Variants in MTERF4 observed in about 807,000 individuals in gnomAD.
MTERF4 encodes transcription termination factor 4, mitochondrial.
In MTERF4, 17 loss-of-function variants were observed where a neutral mutation model predicts 22.5. The observed-to-expected ratio is 0.75, with a 90% confidence interval of 0.52 to 1.13. MTERF4 has a LOEUF of 1.13. Ranked by LOEUF, MTERF4 falls within the 50% of genes most tolerant of loss-of-function variation. The pLI, the probability that MTERF4 is intolerant of heterozygous loss-of-function variation, is 0.00. For missense variants in MTERF4, 420 were observed against 466.8 expected, an observed-to-expected ratio of 0.90 and a Z score of 0.92; for synonymous variants, 165 against 175.3, an observed-to-expected ratio of 0.94 and a Z score of 0.47.
chr2:241,058,057 G>C, the MTERF4 span, among the ~76,000 whole-genome samples: 1 of 152,174 alleles, frequency 6.6e-6, no homozygotes, highest in East Asian at 1.9e-4. Flanking sequence ...AGCACTCTTA[G>C]ACATTCCTAA....
intron 4 of MTERF4, among the ~76,000 whole-genome samples, chr2:241,079,404 T>G (rs1482087571): frequency 1.4e-5 from 2 of 144,400 alleles, no homozygotes; most frequent in Non-Finnish European, 3.0e-5. Context: ...AGAGTGAGAC[T>G]CCATCTCAAA....
downstream of MTERF4, chr2:241,090,460 G>T: frequency 1.3e-6 from 2 of 1,532,702 alleles, no homozygotes; most frequent in Non-Finnish European, 8.8e-7. Flanking sequence ...CTAAAATAAT[G>T]ATGAAGAGTA....
downstream of MTERF4, chr2:241,067,972 G>A (rs2062532394): frequency 1.3e-6 from 2 of 1,591,638 alleles, no homozygotes; most frequent in East Asian, 4.5e-5. Flanking sequence ...CCAGAGCATG[G>A]GGCTGGGGTG....
At chr2:241,043,267 G>T in the MTERF4 span, among the ~76,000 whole-genome samples, 1 of 152,076 alleles carries the variant, frequency 6.6e-6, no homozygotes, top group Admixed American at 6.5e-5. Flanking sequence ...AAAACAGCCA[G>T]AGGAAAAAGC....
chr2:241,065,267 C>G, the MTERF4 span: 1 of 1,609,738 alleles, frequency 6.2e-7, no homozygotes. Flanking sequence ...GCTGACCAGT[C>G]CCCTCCCCTT....
chr2:241,060,429 C>T, the MTERF4 span, among the ~76,000 whole-genome samples: 3 of 152,158 alleles, frequency 2.0e-5, no homozygotes, highest in Admixed American at 1.3e-4. Context: ...GTGATCCACC[C>T]GCCTTGGGCT....
At chr2:241,091,860 GT>G (rs2064030277), downstream of MTERF4, 1 of 152,592 alleles carries the variant, frequency 6.6e-6, no homozygotes, top group Non-Finnish European at 1.5e-5. The surrounding 1 kb of genome is among the most constrained non-coding windows in gnomAD (Gnocchi z 4.1). Context: ...CCACCTGTGA[GT>G]CCTGCGATGC....
chr2:241,102,200 G>C, intron 1 of MTERF4, 53 bp downstream of exon 1: 2 of 1,547,044 alleles, frequency 1.3e-6, no homozygotes, highest in Non-Finnish European at 1.7e-6. Flanking sequence ...CCTCTGCGTC[G>C]CTGCCCGCCC....
chr2:241,069,945 C>A, downstream of MTERF4: 1 of 1,612,768 alleles, frequency 6.2e-7, no homozygotes, highest in East Asian at 2.2e-5. This position sits in a 1 kb window ranked among gnomAD's most constrained non-coding sequence, Gnocchi z 4.9. Context: ...CAAACCTGAC[C>A]GCCGCCCGAG....
the MTERF4 span, chr2:241,053,310 G>C: frequency 6.3e-7 from 1 of 1,585,560 alleles, no homozygotes; most frequent in Non-Finnish European, 8.6e-7. Context: ...TCTGGAGTGA[G>C]CCTCCCCAGT....
At chr2:241,081,387 CTCTCCCTCCTCCT>C (rs1402811336) in intron 4 of MTERF4, among the ~76,000 whole-genome samples, 1 of 152,188 alleles carries the variant, frequency 6.6e-6, no homozygotes, top group Non-Finnish European at 1.5e-5. Context: ...TCCTCCCTCC[CTCTCCCTCCTCCT>C]TCTCCTCCTC....
chr2:241,065,356 T>C, the MTERF4 span: 2 of 1,613,014 alleles, frequency 1.2e-6, no homozygotes, highest in East Asian at 2.2e-5. Flanking sequence ...GGGGTCTCTA[T>C]CTCCTGGAAC....
At chr2:241,049,558 G>A in the MTERF4 span, among the ~76,000 whole-genome samples, 1,449 of 152,330 alleles carry the variant, frequency 9.5e-3, 20 homozygotes, top group African/African-American at 0.033. Context: ...ACAGGAAGGC[G>A]TTTCTGTATC....
chr2:241,065,681 A>T, the MTERF4 span: 1 of 1,180,366 alleles, frequency 8.5e-7, no homozygotes. Context: ...GGCGGCTGTC[A>T]TGCCGTCCAC....
At chr2:241,082,194 C>G (rs570785354), downstream of MTERF4, 1 of 1,154,644 alleles carries the variant, frequency 8.7e-7, no homozygotes, top group Admixed American at 2.0e-5. Context: ...CCCCCGGGCC[C>G]TCTCCCTTGG....
chr2:241,047,452 A>G, the MTERF4 span, among the ~76,000 whole-genome samples: 1 of 152,206 alleles, frequency 6.6e-6, no homozygotes, highest in Non-Finnish European at 1.5e-5. Context: ...GTACACAGGA[A>G]ATCAGTAAAG....
At chr2:241,088,447 A>G (rs781587567), downstream of MTERF4, 57 of 1,528,094 alleles carry the variant, frequency 3.7e-5, no homozygotes, top group Non-Finnish European at 4.8e-5. Context: ...AGCTGCTGGG[A>G]AGTGGGGGGC....
chr2:241,050,272 A>G, the MTERF4 span, among the ~76,000 whole-genome samples: 8 of 152,358 alleles, frequency 5.3e-5, no homozygotes, highest in African/African-American at 1.9e-4. Flanking sequence ...CTAATTCAGC[A>G]TGGAAAATGT....
the MTERF4 span, among the ~76,000 whole-genome samples, chr2:241,059,136 TGTATCTGACAAC>T: frequency 2.6e-5 from 4 of 152,194 alleles, no homozygotes; most frequent in Non-Finnish European, 1.5e-5. Context: ...TTTAGGCCAA[TGTATCTGACAAC>T]TTAGGGGAAA....
Sources: allele counts gnomAD v4.1 joint callset (sites outside exome capture counted in the v4.1 genomes callset), GRCh38; gene constraint gnomAD v4.1.1; non-coding constraint Gnocchi (gnomAD v3.1); transcripts MANE v1.5; gene names NCBI Gene and HGNC (gene_info 2026-07-23, HGNC 2026-07-21).